The following ALKAL2 variants were observed in gnomAD, a reference collection of about 807,000 sequenced individuals.
ALKAL2 encodes the protein ALK and LTK ligand 2, also known as AUG-alpha.
ALKAL2 carries 8 observed loss-of-function variants against 18.5 expected under a neutral mutation model. The ratio of observed to expected loss-of-function variants is 0.43; its 90% CI spans 0.25 to 0.78. ALKAL2 has a LOEUF of 0.78. Among genes scored for constraint, ALKAL2 ranks in the 30% least tolerant of loss-of-function variants. The pLI is 0.22. For synonymous variants in ALKAL2, 135 were observed against 95.8 expected (o/e 1.41, Z -2.39); for missense variants, 241 against 211.2 (o/e 1.14, Z -0.88).
chr2:287,954 G>A (rs985180434), intron 1 of ALKAL2, 59 bp downstream of exon 1: 10 of 1,232,260 alleles, frequency 8.1e-6, no homozygotes, highest in African/African-American at 1.6e-5. Context: ...GACGGAGCGC[G>A]GGGCGGGGGA....
intron 4 of ALKAL2, among the ~76,000 whole-genome samples, chr2:284,243 G>A (rs1483056234): frequency 6.6e-6 from 1 of 152,194 alleles, no homozygotes; most frequent in South Asian, 2.1e-4. Flanking sequence ...CTCAACCCAG[G>A]TGTTTTCAGC....
chr2:287,319 C>CAAAGTGAG (rs1293496813), intron 2 of ALKAL2: 1 of 361,002 alleles, frequency 2.8e-6, no homozygotes, highest in East Asian at 4.1e-5. Flanking sequence ...CTTCCATTTC[C>CAAAGTGAG]AAAGTGACGG....
At chr2:281,191 C>T (rs1258903337) in intron 5 of ALKAL2, among the ~76,000 whole-genome samples, 1 of 152,228 alleles carries the variant, frequency 6.6e-6, no homozygotes, top group Non-Finnish European at 1.5e-5. Flanking sequence ...TTTGCTGTTG[C>T]TGTTTAAAAC....
At chr2:282,414 C>G (rs541032325) in intron 5 of ALKAL2, among the ~76,000 whole-genome samples, 68 of 152,350 alleles carry the variant, frequency 4.5e-4, no homozygotes, top group African/African-American at 1.6e-3. Flanking sequence ...ATATACAAGA[C>G]ACATAGTAAG....
rs1670585941 is a variant in ALKAL2 at position 287,951 on chromosome 2, C to T, written c.-57-59G>A. On this transcript the variant is annotated intron_variant, in intron 1 of 5. Coordinates refer to ENST00000403610, the MANE Select transcript of ALKAL2 (RefSeq NM_001002919.3). ...AAGTCAGCGGGGGAGGGGGACGGAG[C>T]GCGGGGCGGGGGAGGGGAGGGGAGG... 9 of 765,638 alleles carry T rather than the reference C, an allele frequency of 1.2e-5. No homozygotes were observed. In the South Asian group the frequency reaches 2.1e-4, roughly 18 times the overall value. The allele number at this position is 765,638 out of a possible 1,614,324, so 47.4% of individuals were successfully genotyped here.
chr2:282,631 G>GAA (rs374669095), intron 5 of ALKAL2, among the ~76,000 whole-genome samples: 51 of 144,716 alleles, frequency 3.5e-4, no homozygotes, highest in Non-Finnish European at 6.4e-4. Flanking sequence ...TAGAGGCTGT[G>GAA]AAAAAAAAAA....
At chr2:285,724 T>C (rs761710589) in intron 4 of ALKAL2, among the ~76,000 whole-genome samples, 7 of 152,266 alleles carry the variant, frequency 4.6e-5, no homozygotes, top group African/African-American at 1.7e-4. Context: ...TAATTACCAA[T>C]GGGAAGAAAA....
rs923881484 is a variant in ALKAL2 at position 287,987 on chromosome 2, C to T, written c.-58+26G>A. On this transcript the variant is annotated intron_variant, in intron 1 of 5. Transcript: ENST00000403610. ...GGAGGGGAGGGGAGGCGGGAGGAGC[C>T]GCTGGCGCTGGACCCGGCCCCTCAC... The T allele has an allele frequency of 3.8e-5, 47 of 1,233,682 alleles. No homozygotes were observed. In the African/African-American group the frequency reaches 6.1e-4, roughly 16 times the overall value. The allele number at this position is 1,233,682 out of a possible 1,614,324, so 76.4% of individuals were successfully genotyped here.
rs1326644126 is a variant in ALKAL2, at chr2:279,760, AAAGT to A, written c.*383_*386del. On this transcript the variant is annotated 3_prime_UTR_variant, in exon 6 of 6. Coordinates refer to ENST00000403610, the MANE Select transcript of ALKAL2 (RefSeq NM_001002919.3). ...ATAATACTCTGAGAATTTAACAGTG[AAAGT>A]AATACAGAATATCAAATTATGTTAT... 1.1e-5 allele frequency: 2 copies of A among 184,386 alleles called. No homozygotes were observed. Among genetic ancestry groups the A allele is most frequent in the Non-Finnish European group, 2.3e-5 (2 of 88,080 alleles). The allele number at this position is 184,386 out of a possible 1,614,324, so 11.4% of individuals were successfully genotyped here.
In ALKAL2 at chr2:283,129, T is replaced by C. The variant is rs999611542; in HGVS notation, c.435A>G (p.Pro145=). 3 of 1,612,868 alleles carry C rather than the reference T, an allele frequency of 1.9e-6. No individual in the cohort carries two copies. Among genetic ancestry groups the C allele is most frequent in the Non-Finnish European group, 8.5e-7 (1 of 1,179,500 alleles). The change falls in exon 5 of 6, where the codon CCA becomes CCG. Residue 145 remains proline, a synonymous_variant. Transcript: ENST00000403610. Reference sequence around the variant, plus strand: ...AGCTTACCTTATCCTCCATGCACACTGGACTGACAGCCAGCCGGGTAAGAA... The same window carrying C: ...AGCTTACCTTATCCTCCATGCACACCGGACTGACAGCCAGCCGGGTAAGAA... ...ARLLTRLAVS[P]VCMEDKQ
Position 279,971 on chromosome 2 carries a change from A to AATAT in ALKAL2, c.*172_*175dup. The AATAT allele has an allele frequency of 1.5e-6, 1 of 679,832 alleles. No homozygotes were observed. Among genetic ancestry groups the AATAT allele is most frequent in the Non-Finnish European group, 2.7e-6 (1 of 376,842 alleles). The allele number at this position is 679,832 out of a possible 1,614,324, so 42.1% of individuals were successfully genotyped here. ...CACTGTCAAGTACACTGATTTATCGAATATATATCTGCAAACTGTCAACAA... is the reference window on the plus strand; with the variant it reads ...CACTGTCAAGTACACTGATTTATCGAATATATATATATCTGCAAACTGTCAACAA... On this transcript the variant is annotated 3_prime_UTR_variant, in exon 6 of 6. Coordinates refer to ENST00000403610, the MANE Select transcript of ALKAL2 (RefSeq NM_001002919.3).
chr2:284,907 A>G (rs1670457539), intron 4 of ALKAL2, among the ~76,000 whole-genome samples: 1 of 152,232 alleles, frequency 6.6e-6, no homozygotes, highest in African/African-American at 2.4e-5. Flanking sequence ...AATGATTCCC[A>G]AACAGGTGAT....
At chr2:280,971 C>T (rs1472753325) in intron 5 of ALKAL2, among the ~76,000 whole-genome samples, 4 of 152,210 alleles carry the variant, frequency 2.6e-5, no homozygotes, top group Non-Finnish European at 5.9e-5. Flanking sequence ...GTGCATGTGG[C>T]AGGTTAACCA....
intron 4 of ALKAL2, 57 bp from the exon 5 acceptor site, chr2:283,232 T>TA: frequency 1.4e-6 from 2 of 1,418,956 alleles, no homozygotes; most frequent in South Asian, 2.5e-5. Flanking sequence ...ATAAATCGCA[T>TA]TTTTTTGCAA....
In ALKAL2 at chr2:282,067, T is replaced by TC. The variant is rs1283984535; in HGVS notation, c.453+1043dup. 3.3e-5 allele frequency among the ~76,000 whole-genome samples: 5 copies of TC among 152,224 alleles called. No homozygotes were observed. The East Asian group carries it at 9.7e-4, about 29-fold the overall frequency. On this transcript the variant is annotated intron_variant, in intron 5 of 5. Transcript: ENST00000403610. ...ACCCGCCATTACCCACTGGCCTCCC[T>TC]CCCCCAGTGCCATTCCTCTCATTAG...
At position 280,147 on chromosome 2, in the gene ALKAL2, T is replaced by C; in HGVS notation, c.459A>G (p.Ter153TrpextTer12). The C allele has an allele frequency of 6.2e-7, 1 of 1,614,016 alleles. No homozygotes were observed. Among genetic ancestry groups the C allele is most frequent in the Middle Eastern group, 1.6e-4 (1 of 6,062 alleles). Residue 153 changes from the stop codon to tryptophan, a stop_lost, in exon 6 of 6, where the codon TGA becomes TGG. Coordinates refer to ENST00000403610, the MANE Select transcript of ALKAL2 (RefSeq NM_001002919.3). Reference protein sequence around the residue: ...VSPVCMEDKQ* With the variant: ...VSPVCMEDKQW ...GGTGTGCTGCTCCTGTACGGTCTGC[T>C]CACTGCTGAAAACAAATACATTGCG... is the stretch of plus-strand genomic sequence containing the variant.
intron 4 of ALKAL2, chr2:285,815 A>G (rs1670488904): frequency 1.5e-5 from 4 of 262,592 alleles, no homozygotes; most frequent in Middle Eastern, 2.7e-3. Flanking sequence ...TTAACATCTG[A>G]CTGCCATAGT....
Position 280,021 on chromosome 2 carries a change from G to A in ALKAL2, c.*126C>T. ...ACATACAAAACTCAAAGGACTTATGGAAGAGTCTGTCTGCAAAAATAAATC... is the reference window on the plus strand; with the variant it reads ...ACATACAAAACTCAAAGGACTTATGAAAGAGTCTGTCTGCAAAAATAAATC... On this transcript the variant is annotated 3_prime_UTR_variant, in exon 6 of 6. Transcript: ENST00000403610. 9.5e-7 allele frequency: 1 copy of A among 1,053,026 alleles called. No homozygotes were observed. The highest frequency in any genetic ancestry group is 1.3e-5 in the South Asian group (1 of 77,546). The allele number at this position is 1,053,026 out of a possible 1,614,324, so 65.2% of individuals were successfully genotyped here.
chr2:283,437 T>C, intron 4 of ALKAL2: 1 of 985,424 alleles, frequency 1.0e-6, no homozygotes, highest in Non-Finnish European at 1.2e-6. Context: ...ACACGAAGGC[T>C]GCATGGCTGA....
Sources: gnomAD v4.1 joint callset for allele counts (sites outside exome capture counted in the v4.1 genomes callset) on GRCh38, gnomAD v4.1.1 for gene constraint, MANE v1.5 for transcripts, NCBI Gene and HGNC (gene_info 2026-07-23, HGNC 2026-07-21) for gene names.